Variants in RBFOX1 observed in about 807,000 individuals in gnomAD.
RBFOX1 encodes RNA binding protein fox-1 homolog 1.
In RBFOX1, 8 loss-of-function variants were observed where a neutral mutation model predicts 57.7. The ratio of observed to expected loss-of-function variants is 0.14; its 90% CI spans 0.08 to 0.25. The LOEUF is 0.25. Among genes scored for constraint, RBFOX1 ranks in the 10% least tolerant of loss-of-function variants. The pLI is 1.00. For synonymous variants in RBFOX1, 326 were observed against 222.4 expected (o/e 1.47, Z -4.15); for missense variants, 611 against 548.5 (o/e 1.11, Z -1.14).
chr16:6,793,569 C>T lies in RBFOX1; in HGVS notation c.-16+138919C>T, dbSNP rs574251867. On this transcript the variant is annotated intron_variant, in intron 3 of 15. Coordinates refer to ENST00000550418, the MANE Select transcript of RBFOX1 (RefSeq NM_018723.4). ...CCTGCCTACATTTCAATTCTTGGCCCTTCCCTCTGTTTTGAAATGACTCAT... is the reference window on the plus strand; with the variant it reads ...CCTGCCTACATTTCAATTCTTGGCCTTTCCCTCTGTTTTGAAATGACTCAT... Among the ~76,000 whole-genome samples the T allele has an allele frequency of 3.3e-5, 5 of 152,198 alleles. No homozygotes were observed. The South Asian group carries it at 1.0e-3, about 32-fold the overall frequency.
At chr16:6,080,378 G>T (rs1300823615) in intron 1 of RBFOX1, among the ~76,000 whole-genome samples, 1 of 152,154 alleles carries the variant, frequency 6.6e-6, no homozygotes. Context: ...GCCAGTGTGT[G>T]AATCCTCTAT....
chr16:7,206,358 C>T (rs1333845894), intron 4 of RBFOX1, among the ~76,000 whole-genome samples: 1 of 151,954 alleles, frequency 6.6e-6, no homozygotes, highest in East Asian at 1.9e-4. Context: ...GTAAGCCTAA[C>T]ATACCCCTTA....
intron 3 of RBFOX1, among the ~76,000 whole-genome samples, chr16:6,932,290 A>G (rs1264015463): frequency 6.6e-6 from 1 of 152,024 alleles, no homozygotes; most frequent in Non-Finnish European, 1.5e-5. Context: ...AATTTTCAGT[A>G]GAGACGGGGT....
intron 4 of RBFOX1, among the ~76,000 whole-genome samples, chr16:7,157,273 A>G (rs1486990592): frequency 6.6e-6 from 1 of 152,198 alleles, no homozygotes; most frequent in Non-Finnish European, 1.5e-5. Flanking sequence ...TCAAAATGGG[A>G]AGAAGACCAT....
Position 5,393,337 on chromosome 16 carries a change from G to A in RBFOX1, c.220-73879G>A, listed in dbSNP as rs79299932. 7.3e-3 allele frequency among the ~76,000 whole-genome samples: 1,109 copies of A among 152,328 alleles called. 3 individuals carry two copies. Among genetic ancestry groups the A allele is most frequent in the Admixed American group, 0.012 (188 of 15,296 alleles). The stretch of plus-strand genomic sequence containing the variant: ...GCTGTCTCAAGCCGAATACTTGGCA[G>A]CTTGGGTGTATCTGTCCGTGTCCAG... On this transcript the variant is annotated intron_variant, in intron 1 of 2. Transcript: ENST00000585867.
chr16:7,290,441 A>G (rs917432138), intron 4 of RBFOX1, among the ~76,000 whole-genome samples: 6 of 152,224 alleles, frequency 3.9e-5, no homozygotes, highest in Non-Finnish European at 7.3e-5. Flanking sequence ...TGTAAGCTCC[A>G]TGTCCTTTCG....
At chr16:6,828,539 A>T (rs2092416909) in intron 3 of RBFOX1, among the ~76,000 whole-genome samples, 3 of 151,744 alleles carry the variant, frequency 2.0e-5, no homozygotes, top group Admixed American at 1.3e-4. Flanking sequence ...AAAAAAAATC[A>T]GATAGCAGTT....
intron 2 of RBFOX1, among the ~76,000 whole-genome samples, chr16:6,345,615 A>G (rs938170677): frequency 2.0e-5 from 3 of 152,168 alleles, no homozygotes; most frequent in African/African-American, 7.2e-5. Context: ...TCCCAGCTAC[A>G]TGGCAGACAT....
intron 3 of RBFOX1, among the ~76,000 whole-genome samples, chr16:6,714,452 C>G (rs1034721420): frequency 6.6e-6 from 1 of 152,042 alleles, no homozygotes; most frequent in Non-Finnish European, 1.5e-5. Context: ...AAGCTTTATC[C>G]CACTACGGGA....
At chr16:7,538,035 C>T (rs1334833840) in intron 5 of RBFOX1, among the ~76,000 whole-genome samples, 4 of 152,108 alleles carry the variant, frequency 2.6e-5, no homozygotes, top group African/African-American at 9.7e-5. Flanking sequence ...TGTCTGTGCC[C>T]GGAAAGAGTG....
chr16:6,465,486 G>T (rs943721226), intron 2 of RBFOX1, among the ~76,000 whole-genome samples: 6 of 152,032 alleles, frequency 3.9e-5, no homozygotes, highest in African/African-American at 1.4e-4. Context: ...CAGCTCGTGG[G>T]TTCCTACAGC....
At chr16:6,966,109 C>T (rs2084088673) in intron 3 of RBFOX1, among the ~76,000 whole-genome samples, 1 of 152,086 alleles carries the variant, frequency 6.6e-6, no homozygotes, top group African/African-American at 2.4e-5. Flanking sequence ...CAACCATAGA[C>T]TGGGGGCCTA....
At chr16:5,639,683 C>T (rs1207036975) in intron 3 of RBFOX1, among the ~76,000 whole-genome samples, 1 of 152,196 alleles carries the variant, frequency 6.6e-6, no homozygotes, top group African/African-American at 2.4e-5. Flanking sequence ...CACCCATGCA[C>T]ATGCCTACCA....
At chr16:7,355,654 G>A (rs1247828167) in intron 4 of RBFOX1, among the ~76,000 whole-genome samples, 2 of 152,082 alleles carry the variant, frequency 1.3e-5, no homozygotes, top group East Asian at 1.9e-4. Flanking sequence ...ATTCTATATT[G>A]TGACGGCACA....
chr16:5,845,455 A>C (rs1226710627), intron 3 of RBFOX1, among the ~76,000 whole-genome samples: 1 of 152,098 alleles, frequency 6.6e-6, no homozygotes, highest in African/African-American at 2.4e-5. Flanking sequence ...GTTTATTTCT[A>C]CAAGAAAGTC....
intron 4 of RBFOX1, among the ~76,000 whole-genome samples, chr16:5,956,084 TGGCCAACATGGTGAAACCC>T (rs2059633064): frequency 6.6e-6 from 1 of 152,034 alleles, no homozygotes; most frequent in Admixed American, 6.6e-5. Flanking sequence ...AAGACCAGCC[TGGCCAACATGGTGAAACCC>T]CATCTCTACA....
intron 1 of RBFOX1, among the ~76,000 whole-genome samples, chr16:6,046,074 A>T (rs1298919324): frequency 6.6e-6 from 1 of 152,206 alleles, no homozygotes; most frequent in Non-Finnish European, 1.5e-5. Context: ...AAGGCGTCTG[A>T]TGGTTTTACA....
chr16:7,521,616 G>T (rs1600766936), intron 5 of RBFOX1, among the ~76,000 whole-genome samples: 1 of 152,154 alleles, frequency 6.6e-6, no homozygotes, highest in East Asian at 1.9e-4. Flanking sequence ...CTCTTTCCTT[G>T]GAGAGCCTTA....
intron 3 of RBFOX1, among the ~76,000 whole-genome samples, chr16:5,857,430 T>C (rs1283594840): frequency 6.6e-6 from 1 of 152,106 alleles, no homozygotes; most frequent in Non-Finnish European, 1.5e-5. Flanking sequence ...ATGGCACTGA[T>C]AGACTTGCTT....
Sources: gnomAD v4.1 joint callset for allele counts (sites outside exome capture counted in the v4.1 genomes callset) on GRCh38, gnomAD v4.1.1 for gene constraint, MANE v1.5 for transcripts, NCBI Gene and HGNC (gene_info 2026-07-23, HGNC 2026-07-21) for gene names.